PTPN9: variants seen among roughly 807,000 people sequenced by gnomAD.
The protein encoded by PTPN9 is tyrosine-protein phosphatase non-receptor type 9.
PTPN9 carries 26 observed loss-of-function variants against 69.8 expected under a neutral mutation model. The observed-to-expected ratio is 0.37, with a 90% CI of 0.27 to 0.52. The LOEUF is 0.52. Among genes scored for constraint, PTPN9 ranks in the 20% least tolerant of loss-of-function variants. The pLI, the probability that PTPN9 is intolerant of heterozygous loss-of-function variation, is 0.91. For missense variants in PTPN9, 549 were observed against 740.3 expected (o/e 0.74, Z 3.00); for synonymous variants, 274 against 272.5 (o/e 1.01, Z -0.05).
At chr15:75,561,976 G>A (rs2075105807) in intron 1 of PTPN9, among the ~76,000 whole-genome samples, 1 of 152,088 alleles carries the variant, frequency 6.6e-6, no homozygotes, top group South Asian at 2.1e-4. Flanking sequence ...CCAAAGTGCT[G>A]GCATTACAGG....
At chr15:75,541,418 A>C (rs982306230) in intron 1 of PTPN9, among the ~76,000 whole-genome samples, 1 of 149,626 alleles carries the variant, frequency 6.7e-6, no homozygotes, top group African/African-American at 2.5e-5. Flanking sequence ...TAATTAATTA[A>C]TTTTTTGAGA....
At chr15:75,512,883 T>C in intron 5 of PTPN9, 1 of 324,896 alleles carries the variant, frequency 3.1e-6, no homozygotes, top group South Asian at 3.2e-5. Flanking sequence ...CTATGTATTC[T>C]TCTGTATTTG....
intron 1 of PTPN9, among the ~76,000 whole-genome samples, chr15:75,536,079 T>C (rs978116566): frequency 6.6e-6 from 1 of 152,230 alleles, no homozygotes; most frequent in African/African-American, 2.4e-5. Context: ...GTATATTTTC[T>C]GATTTTATCG....
At chr15:75,505,245 G>A (rs1415364781) in intron 7 of PTPN9, among the ~76,000 whole-genome samples, 1 of 149,956 alleles carries the variant, frequency 6.7e-6, no homozygotes, top group Non-Finnish European at 1.5e-5. Context: ...TTGTTAAACA[G>A]ATGCTTGAAG....
intron 4 of PTPN9, among the ~76,000 whole-genome samples, chr15:75,519,316 G>T (rs1039886605): frequency 1.6e-4 from 24 of 152,296 alleles, no homozygotes; most frequent in African/African-American, 5.8e-4. Flanking sequence ...TGTTGGCCAG[G>T]CTGGTCTCGA....
At chr15:75,567,920 C>T (rs554945031) in intron 1 of PTPN9, among the ~76,000 whole-genome samples, 16 of 150,846 alleles carry the variant, frequency 1.1e-4, no homozygotes, top group Admixed American at 2.0e-4. Flanking sequence ...GGCATTAACC[C>T]GGGAGGTGGA....
intron 1 of PTPN9, among the ~76,000 whole-genome samples, chr15:75,570,891 C>T (rs190934164): frequency 6.6e-6 from 1 of 152,236 alleles, no homozygotes; most frequent in East Asian, 1.9e-4. Context: ...AGGTGATGGT[C>T]CCCAGGGTGG....
At chr15:75,482,421 C>T (rs1164881796) in intron 8 of PTPN9, among the ~76,000 whole-genome samples, 12 of 152,086 alleles carry the variant, frequency 7.9e-5, no homozygotes, top group East Asian at 1.9e-4. Context: ...AAAGATTAGC[C>T]GGGCGTGGTG....
At position 75,548,652 on chromosome 15, in the gene PTPN9, A is replaced by ATT. The variant is rs540489248; in HGVS notation, c.64-21393_64-21392dup. Reference sequence around the variant, plus strand: ...TTTTTTCCTTTAGAGACAAGGGGAAATTTTTTTTTTTTTTTTTTTGAGACA... The same window carrying ATT: ...TTTTTTCCTTTAGAGACAAGGGGAAATTTTTTTTTTTTTTTTTTTTTGAGACA... On this transcript the variant is annotated intron_variant, in intron 1 of 12. Coordinates refer to ENST00000618819, the MANE Select transcript of PTPN9 (RefSeq NM_002833.4). 2.9e-3 allele frequency among the ~76,000 whole-genome samples: 386 copies of ATT among 133,886 alleles called. 8 individuals are homozygous for ATT. Among genetic ancestry groups the ATT allele is most frequent in the African/African-American group, 9.6e-3 (338 of 35,228 alleles). 87.8% of individuals were successfully genotyped at this position (133,886 alleles called of 152,430 possible). A position where few individuals can be genotyped will look rare whatever the true frequency, so the allele number is the denominator to read the frequency against.
chr15:75,555,559 C>T (rs915576484), intron 1 of PTPN9, among the ~76,000 whole-genome samples: 3 of 151,882 alleles, frequency 2.0e-5, no homozygotes, highest in Non-Finnish European at 4.4e-5. Context: ...GGCTGGAGTG[C>T]AGTGGTGTGA....
At chr15:75,556,026 AC>A (rs1220945711) in intron 1 of PTPN9, among the ~76,000 whole-genome samples, 1 of 107,802 alleles carries the variant, frequency 9.3e-6, no homozygotes, top group Non-Finnish European at 1.8e-5. Flanking sequence ...ACAAAGCGAG[AC>A]CCCCGTCTCA....
chr15:75,572,714 A>T (rs891340772), intron 1 of PTPN9, among the ~76,000 whole-genome samples: 7 of 152,192 alleles, frequency 4.6e-5, no homozygotes, highest in Admixed American at 3.3e-4. Context: ...CTCAAAAAAA[A>T]AGAAAAAAAG....
At chr15:75,542,948 A>G (rs2075015643) in intron 1 of PTPN9, among the ~76,000 whole-genome samples, 1 of 148,140 alleles carries the variant, frequency 6.8e-6, no homozygotes, top group Non-Finnish European at 1.5e-5. Flanking sequence ...TGCTGCACCC[A>G]TTAACTCGTC....
At chr15:75,482,011 A>G (rs2074639149) in intron 8 of PTPN9, among the ~76,000 whole-genome samples, 2 of 145,734 alleles carry the variant, frequency 1.4e-5, no homozygotes, top group South Asian at 4.7e-4. Flanking sequence ...TTTGTGGAAT[A>G]GAAAGGGGGG....
chr15:75,520,240 C>T lies in PTPN9; in HGVS notation c.423-2876G>A, dbSNP rs144138539. On this transcript the variant is annotated intron_variant, in intron 4 of 12. Transcript: ENST00000618819. ...TCAAGGGTCAAATTCAAATTATGGGCTTTCCCCTCATGACTCCAGGTTGTG... is the reference window on the plus strand; with the variant it reads ...TCAAGGGTCAAATTCAAATTATGGGTTTTCCCCTCATGACTCCAGGTTGTG... 1.9e-3 allele frequency among the ~76,000 whole-genome samples: 293 copies of T among 152,154 alleles called. 2 individuals are homozygous for T. Among genetic ancestry groups the T allele is most frequent in the African/African-American group, 6.5e-3 (271 of 41,526 alleles).
chr15:75,504,482 A>AGCCCCACGTCCGGGAGGGAGGTGGGG (rs2074802919), intron 7 of PTPN9, among the ~76,000 whole-genome samples: 3 of 102,994 alleles, frequency 2.9e-5, no homozygotes, highest in African/African-American at 1.1e-4. Flanking sequence ...AGGGAGGTGG[A>AGCCCCACGTCCGGGAGGGAGGTGGGG]GGGGTCAGCC....
At chr15:75,556,361 CT>C (rs544427324) in intron 1 of PTPN9, among the ~76,000 whole-genome samples, 2 of 150,484 alleles carry the variant, frequency 1.3e-5, no homozygotes, top group South Asian at 2.1e-4. Context: ...CTGCACCGGC[CT>C]TTTTTTTAAT....
chr15:75,574,963 A>T (rs1208977163), intron 1 of PTPN9, among the ~76,000 whole-genome samples: 2 of 126,888 alleles, frequency 1.6e-5, no homozygotes, highest in African/African-American at 5.9e-5. Context: ...AAAAAAAAAG[A>T]AAGAAAGAAA....
chr15:75,540,775 A>AAACAAAAAAAGGATGGT (rs1451606167), intron 1 of PTPN9, among the ~76,000 whole-genome samples: 2 of 151,664 alleles, frequency 1.3e-5, no homozygotes, highest in Non-Finnish European at 2.9e-5. Context: ...TCTCTATTTA[A>AAACAAAAAAAGGATGGT]AACAAAAAAA....
Sources: allele counts gnomAD v4.1 joint callset (sites outside exome capture counted in the v4.1 genomes callset), GRCh38; gene constraint gnomAD v4.1.1; transcripts MANE v1.5; gene names NCBI Gene and HGNC (gene_info 2026-07-23, HGNC 2026-07-21).